Variants in DIAPH3 observed in about 807,000 individuals in gnomAD.
DIAPH3 encodes the protein protein diaphanous homolog 3.
DIAPH3 carries 117 observed loss-of-function variants against 144.3 expected under a neutral mutation model. The ratio of observed to expected loss-of-function variants is 0.81; its 90% CI spans 0.70 to 0.95. The LOEUF is 0.95. Ranked by LOEUF, DIAPH3 falls within the 40% of genes least tolerant of loss-of-function variation. The probability of loss-of-function intolerance (pLI) is 0.00; values close to 1 mark genes in which losing one functional copy is unlikely to be tolerated. For synonymous variants in DIAPH3, 519 were observed against 488.9 expected, an observed-to-expected ratio of 1.06 and a Z score of -0.81; for missense variants, 1,421 against 1,412.7, an observed-to-expected ratio of 1.01 and a Z score of -0.09.
intron 24 of DIAPH3, among the ~76,000 whole-genome samples, chr13:59,828,854 C>T (rs1393091308): frequency 2.6e-5 from 4 of 151,712 alleles, no homozygotes; most frequent in Admixed American, 6.6e-5. Context: ...CCAATGAGCA[C>T]ATTATCTACA....
At position 59,984,065 on chromosome 13, in the gene DIAPH3, C is replaced by CT. The variant is rs2051214084; in HGVS notation, c.1362-179dup. 1.3e-5 allele frequency among the ~76,000 whole-genome samples: 2 copies of CT among 151,598 alleles called. 1 individual carries two copies. Among genetic ancestry groups the CT allele is most frequent in the South Asian group, 4.1e-4 (2 of 4,826 alleles). On this transcript the variant is annotated intron_variant, in intron 12 of 27. Coordinates refer to ENST00000400324, the MANE Select transcript of DIAPH3 (RefSeq NM_001042517.2). ...AGTAAATACAATTGTCATCACTTTG[C>CT]TTTTAATGAATTCAAAACATCATTT...
intron 25 of DIAPH3, among the ~76,000 whole-genome samples, chr13:59,775,444 A>G (rs564213914): frequency 3.9e-5 from 6 of 152,138 alleles, no homozygotes; most frequent in African/African-American, 1.4e-4. Context: ...GGCTTTCACC[A>G]TATTAGCCAG....
chr13:59,666,604 C>T lies in DIAPH3; in HGVS notation c.3562G>A (p.Ala1188Thr), dbSNP rs1350483989. 4 of 1,614,038 alleles carry T rather than the reference C, an allele frequency of 2.5e-6. No individual in the cohort carries two copies. The East Asian group carries it at 8.9e-5, about 36-fold the overall frequency. ...ESVPEVEALL[A>T]RLRAL Reference sequence around the variant, plus strand: ...TTAACTTATAAAGCTCGTAATCTTGCCAGCAGGGCTTCAACTTCGGGAACT... The same window carrying T: ...TTAACTTATAAAGCTCGTAATCTTGTCAGCAGGGCTTCAACTTCGGGAACT... Residue 1188 changes from alanine (A) to threonine (T), a missense_variant, in exon 28 of 28, where the codon GCA (alanine) becomes ACA (threonine). Coordinates refer to ENST00000400324, the MANE Select transcript of DIAPH3 (RefSeq NM_001042517.2).
chr13:59,715,669 C>T (rs2035012793), intron 27 of DIAPH3, among the ~76,000 whole-genome samples: 1 of 151,838 alleles, frequency 6.6e-6, no homozygotes, highest in African/African-American at 2.4e-5. Context: ...ATAGTTTGTC[C>T]CAATTATAGC....
intron 27 of DIAPH3, among the ~76,000 whole-genome samples, chr13:59,669,439 C>T (rs2032225264): frequency 6.6e-6 from 1 of 152,144 alleles, no homozygotes; most frequent in Non-Finnish European, 1.5e-5. Context: ...CAGAAGAGAG[C>T]TCCTGCACGT....
intron 14 of DIAPH3, among the ~76,000 whole-genome samples, chr13:59,977,342 C>T (rs989607404): frequency 2.6e-5 from 4 of 151,646 alleles, no homozygotes; most frequent in Non-Finnish European, 5.9e-5. Context: ...ACAAGCAATA[C>T]TTTGTAAGGG....
rs552924799 is a variant in DIAPH3, at chr13:59,917,105, T to G, written c.2171-856A>C. Among the ~76,000 whole-genome samples the G allele has an allele frequency of 2.0e-5, 3 of 152,296 alleles. No homozygotes were observed. The East Asian group carries it at 5.8e-4, about 29-fold the overall frequency. ...AATAGCCTATTATTTTTCTTTTTAT[T>G]TAATGAATTTCTATGTCATCTGGTA... is the stretch of plus-strand genomic sequence containing the variant. On this transcript the variant is annotated intron_variant, in intron 18 of 27. Coordinates refer to ENST00000400324, the MANE Select transcript of DIAPH3 (RefSeq NM_001042517.2).
intron 27 of DIAPH3, among the ~76,000 whole-genome samples, chr13:59,726,419 G>A (rs1387966426): frequency 2.6e-5 from 4 of 152,256 alleles, no homozygotes; most frequent in African/African-American, 4.8e-5. Flanking sequence ...GGCAGCCATC[G>A]GTCCCAGACA....
chr13:60,085,922 T>C (rs755359946), intron 4 of DIAPH3, among the ~76,000 whole-genome samples: 1 of 151,996 alleles, frequency 6.6e-6, no homozygotes, highest in Non-Finnish European at 1.5e-5. Flanking sequence ...AGTGACAAGA[T>C]GAAAACAACT....
In DIAPH3 at chr13:59,833,275, T is replaced by C. The variant is rs760554959; in HGVS notation, c.2863-4A>G. ...CTTTTGCACTGATAACAAATCTGTA[T>C]ACTATAGTTAAGGTATTCTGAAATT... On this transcript the variant is annotated splice_region_variant and splice_polypyrimidine_tract_variant and intron_variant, in intron 23 of 27. Transcript: ENST00000400324. The C allele has an allele frequency of 6.2e-7, 1 of 1,602,684 alleles. No homozygotes were observed. The highest frequency in any genetic ancestry group is 1.7e-5 in the Admixed American group (1 of 59,402).
chr13:59,948,836 AGAAAGAAGGAAG>A (rs1324040765), intron 17 of DIAPH3, among the ~76,000 whole-genome samples: 3 of 143,098 alleles, frequency 2.1e-5, no homozygotes, highest in Non-Finnish European at 4.6e-5. Flanking sequence ...TGACATAAAA[AGAAAGAAGGAAG>A]GAAGGAAGGA....
At chr13:59,954,437 T>C (rs1346079796) in intron 17 of DIAPH3, among the ~76,000 whole-genome samples, 1 of 152,170 alleles carries the variant, frequency 6.6e-6, no homozygotes, top group Admixed American at 6.6e-5. Context: ...ATTTGGGTTA[T>C]TATGGTTGTA....
chr13:59,894,355 A>G (rs1018943099), intron 20 of DIAPH3, among the ~76,000 whole-genome samples: 3 of 152,072 alleles, frequency 2.0e-5, no homozygotes, highest in African/African-American at 7.2e-5. Context: ...TAAAAAAAAT[A>G]GGCAGAAACC....
At chr13:59,997,018 C>A (rs541662819) in intron 9 of DIAPH3, among the ~76,000 whole-genome samples, 125 of 152,118 alleles carry the variant, frequency 8.2e-4, no homozygotes, top group Admixed American at 2.2e-3. Context: ...ATTTATTGTA[C>A]ATGAGAAATC....
chr13:60,005,996 A>G (rs969789002), intron 9 of DIAPH3, among the ~76,000 whole-genome samples: 1 of 152,174 alleles, frequency 6.6e-6, no homozygotes, highest in African/African-American at 2.4e-5. Context: ...ACTAAATATA[A>G]GTTTATCATG....
At chr13:59,727,030 T>G (rs1270798862) in intron 27 of DIAPH3, among the ~76,000 whole-genome samples, 5 of 152,202 alleles carry the variant, frequency 3.3e-5, no homozygotes, top group Admixed American at 3.3e-4. Context: ...GGTCTCTTTT[T>G]ACATTAATGT....
chr13:59,774,624 C>T (rs191463670), intron 26 of DIAPH3, 104 bp downstream of exon 26: 5 of 1,081,006 alleles, frequency 4.6e-6, no homozygotes, highest in African/African-American at 3.1e-5. Flanking sequence ...TTGTTGCCCA[C>T]GGCACTGCAT....
rs1459953161 is a variant in DIAPH3, at chr13:60,138,784, A to G, written c.181-5795T>C. Among the ~76,000 whole-genome samples the G allele has an allele frequency of 6.8e-5, 3 of 44,302 alleles. No homozygotes were observed. In the Admixed American group the frequency reaches 1.1e-3, roughly 16 times the overall value. 29.1% of individuals were successfully genotyped at this position (44,302 alleles called of 152,430 possible). ...GAGAAGGAGAAGGAGAAGGAGAAGA[A>G]GGGGAAGAGGGAAGAGGGAAGAGGG... On this transcript the variant is annotated intron_variant, in intron 1 of 27. Transcript: ENST00000400324.
At chr13:59,940,258 A>G (rs1393583501) in intron 17 of DIAPH3, among the ~76,000 whole-genome samples, 2 of 152,228 alleles carry the variant, frequency 1.3e-5, no homozygotes, top group Non-Finnish European at 2.9e-5. Flanking sequence ...ATGTTTGGCC[A>G]CCTGACACTT....
Sources: gnomAD v4.1 joint callset for allele counts (sites outside exome capture counted in the v4.1 genomes callset) on GRCh38, gnomAD v4.1.1 for gene constraint, MANE v1.5 for transcripts, NCBI Gene and HGNC (gene_info 2026-07-23, HGNC 2026-07-21) for gene names.